Variants in EML1 observed in about 807,000 individuals in gnomAD.
EML1 encodes echinoderm microtubule-associated protein-like 1.
In EML1, 27 loss-of-function variants were observed where a neutral mutation model predicts 110.4. The observed-to-expected ratio is 0.24, with a 90% CI of 0.18 to 0.34. The LOEUF (loss-of-function observed/expected upper bound fraction) is 0.34, where lower values mean the gene tolerates loss of function less well. Ranked by LOEUF, EML1 falls within the 10% of genes least tolerant of loss-of-function variation. The probability of loss-of-function intolerance (pLI) is 1.00; values close to 1 mark genes in which losing one functional copy is unlikely to be tolerated. For synonymous variants in EML1, 344 were observed against 385.8 expected (o/e 0.89, Z 1.27); for missense variants, 741 against 1,030.9 (o/e 0.72, Z 3.85).
In EML1 at chr14:99,820,174, T is replaced by G. The variant is rs139031181; in HGVS notation, c.67+26631T>G. Among the ~76,000 whole-genome samples, 231 of 152,346 alleles carry G rather than the reference T, an allele frequency of 1.5e-3. 2 individuals carry two copies. The highest frequency in any genetic ancestry group is 0.014 in the Middle Eastern group (4 of 294). ...GTATGTGGTTGTGGAAGTTGATATA[T>G]CTTTACATATTTTTACTTAAAGCTT... On this transcript the variant is annotated intron_variant, in intron 1 of 21. Coordinates refer to ENST00000262233, the MANE Select transcript of EML1 (RefSeq NM_004434.3).
At chr14:99,739,068 G>GTGTGTGTGTGTGTA (rs2057005399) in intron 1 of EML1, among the ~76,000 whole-genome samples, 7 of 117,798 alleles carry the variant, frequency 5.9e-5, no homozygotes, top group African/African-American at 3.0e-4. Context: ...GTGTGAGAGT[G>GTGTGTGTGTGTGTA]TGTGTGTGTG....
Position 99,905,512 on chromosome 14 carries a change from A to G in EML1, c.1009-2126A>G, listed in dbSNP as rs898561350. Reference sequence around the variant, plus strand: ...GACCTGCCCACTGCAGTGACACTGAAAAGTTCAGGTGGCTGCCTGTTGATA... The same window carrying G: ...GACCTGCCCACTGCAGTGACACTGAGAAGTTCAGGTGGCTGCCTGTTGATA... On this transcript the variant is annotated intron_variant, in intron 9 of 21. Coordinates refer to ENST00000262233, the MANE Select transcript of EML1 (RefSeq NM_004434.3). The surrounding 1 kb of genome is among the most constrained non-coding windows in gnomAD (Gnocchi z 4.1). 1.2e-4 allele frequency among the ~76,000 whole-genome samples: 19 copies of G among 152,188 alleles called. No homozygotes were observed. Among genetic ancestry groups the G allele is most frequent in the Admixed American group, 2.0e-4 (3 of 15,286 alleles).
rs991279950 is a variant in EML1 at position 99,909,182 on chromosome 14, T to C, written c.1105-163T>C. The C allele has an allele frequency of 1.8e-5, 20 of 1,084,756 alleles. No homozygotes were observed. In the African/African-American group the frequency reaches 2.9e-4, roughly 16 times the overall value. 67.2% of individuals were successfully genotyped at this position (1,084,756 alleles called of 1,614,324 possible). On this transcript the variant is annotated intron_variant, in intron 10 of 21. Coordinates refer to ENST00000262233, the MANE Select transcript of EML1 (RefSeq NM_004434.3). Reference sequence around the variant, plus strand: ...AGGTATTAAGGCCCACACCAGCATATGCTTGATGTTTTTAGCAAGATGGAT... The same window carrying C: ...AGGTATTAAGGCCCACACCAGCATACGCTTGATGTTTTTAGCAAGATGGAT...
In EML1 at chr14:99,897,286, C is replaced by A. The variant is rs200809929; in HGVS notation, c.819C>A (p.Asp273Glu). The stretch of plus-strand genomic sequence containing the variant: ...GGCATTACGCTGGCCACAACGATGA[C>A]GTGAAGTGGTAAGTCCTGAAACAGG... ...LQRHYAGHNDDVKCLAVHPDR... is the reference protein window; with the variant it reads ...LQRHYAGHNDEVKCLAVHPDR... The change falls in exon 7 of 22, where the codon GAC becomes GAA. Residue 273 changes from aspartate to glutamate, a missense_variant. Around this residue, in one of 4 missense-constraint regions of EML1, gnomAD observed 388 missense variants for 605.6 expected, o/e 0.64. Transcript: ENST00000262233. 6.2e-7 allele frequency: 1 copy of A among 1,608,072 alleles called. No individual in the cohort carries two copies. The highest frequency in any genetic ancestry group is 2.2e-5 in the East Asian group (1 of 44,484).
intron 3 of EML1, among the ~76,000 whole-genome samples, chr14:99,871,806 G>A (rs1386323163): frequency 6.6e-6 from 1 of 152,214 alleles, no homozygotes; most frequent in Non-Finnish European, 1.5e-5. Context: ...TCCGAGAGAA[G>A]ATGCTGTGAA....
intron 1 of EML1, among the ~76,000 whole-genome samples, chr14:99,801,316 T>C (rs1477404986): frequency 1.3e-5 from 2 of 152,106 alleles, no homozygotes; most frequent in Non-Finnish European, 2.9e-5. Context: ...CTGTAAACAT[T>C]AGATTCTCCT....
chr14:99,821,386 G>T (rs2058259977), intron 1 of EML1, among the ~76,000 whole-genome samples: 1 of 152,154 alleles, frequency 6.6e-6, no homozygotes, highest in Non-Finnish European at 1.5e-5. Context: ...GGGCAAAGTG[G>T]CTCATGCCTA....
chr14:99,747,112 C>T (rs2057118661), intron 1 of EML1, among the ~76,000 whole-genome samples: 1 of 144,330 alleles, frequency 6.9e-6, no homozygotes, highest in Non-Finnish European at 1.5e-5. Context: ...GGCGTGAACC[C>T]AGGAGGTGGA....
chr14:99,864,946 C>G (rs557195863), intron 2 of EML1, among the ~76,000 whole-genome samples: 1 of 152,212 alleles, frequency 6.6e-6, no homozygotes, highest in South Asian at 2.1e-4. Flanking sequence ...TGGTCTCCAG[C>G]CTTTTTGGCA....
intron 9 of EML1, among the ~76,000 whole-genome samples, chr14:99,906,607 G>T (rs1031608536): frequency 7.2e-5 from 11 of 152,176 alleles, no homozygotes; most frequent in Admixed American, 6.5e-4. Flanking sequence ...TTTATAACCT[G>T]TGTCTTGTGC....
chr14:99,911,436 A>G lies in EML1; in HGVS notation c.1354A>G (p.Ser452Gly). Residue 452 changes from serine to glycine, a missense_variant, in exon 13 of 22, where the codon AGC (serine) becomes GGC (glycine). Coordinates refer to ENST00000262233, the MANE Select transcript of EML1 (RefSeq NM_004434.3). Reference sequence around the variant, plus strand: ...GGTGTGTTTAGGTACAAATCGAATAAGCTATGCAGTTCAGGGGGCCCATGA... The same window carrying G: ...GGTGTGTTTAGGTACAAATCGAATAGGCTATGCAGTTCAGGGGGCCCATGA... ...LVWGKGTNRI[S>G]YAVQGAHEGG... 1 of 1,600,814 alleles carries G rather than the reference A, an allele frequency of 6.2e-7. No individual in the cohort carries two copies. The highest frequency in any genetic ancestry group is 2.2e-5 in the East Asian group (1 of 44,518).
chr14:99,905,425 G>A lies in EML1; in HGVS notation c.1009-2213G>A, dbSNP rs2059828987. 1.3e-5 allele frequency among the ~76,000 whole-genome samples: 2 copies of A among 152,296 alleles called. No homozygotes were observed. The highest frequency in any genetic ancestry group is 1.3e-4 in the Admixed American group (2 of 15,296). On this transcript the variant is annotated intron_variant, in intron 9 of 21. Transcript: ENST00000262233. This position sits in a 1 kb window ranked among gnomAD's most constrained non-coding sequence, Gnocchi z 4.1. ...AAACATAAGAAAGGGAAAAAGGAGA[G>A]AGAGAAAAGCATTCCCTGTGGCAGG...
At chr14:99,747,439 G>A (rs2057124573) in intron 1 of EML1, among the ~76,000 whole-genome samples, 1 of 152,070 alleles carries the variant, frequency 6.6e-6, no homozygotes, top group African/African-American at 2.4e-5. Flanking sequence ...GCAGGGGTCT[G>A]AGGGGGAAGG....
chr14:99,744,244 T>G (rs935246467), intron 1 of EML1, among the ~76,000 whole-genome samples: 1 of 152,068 alleles, frequency 6.6e-6, no homozygotes, highest in Non-Finnish European at 1.5e-5. Context: ...AAAAGACCAC[T>G]GCAGGTCTGG....
At chr14:99,817,036 C>T (rs2058179533) in intron 1 of EML1, among the ~76,000 whole-genome samples, 1 of 152,150 alleles carries the variant, frequency 6.6e-6, no homozygotes. Context: ...ATCAAAACAG[C>T]ATGTAGGTGT....
At chr14:99,737,908 C>T (rs2056988254) in intron 1 of EML1, 1 of 1,284,024 alleles carries the variant, frequency 7.8e-7, no homozygotes, top group Non-Finnish European at 1.0e-6. Context: ...GTTGCAGAGC[C>T]AAGGCCGCCA....
chr14:99,780,398 C>T (rs983466900), intron 1 of EML1, among the ~76,000 whole-genome samples: 3 of 152,134 alleles, frequency 2.0e-5, no homozygotes, highest in Non-Finnish European at 2.9e-5. Context: ...TGGCTGCCCA[C>T]CCTTGCTAGC....
In EML1 at chr14:99,933,832, G is replaced by A. The variant is rs376478136; in HGVS notation, c.1910-2197G>A. Among the ~76,000 whole-genome samples, 341 of 152,320 alleles carry A rather than the reference G, an allele frequency of 2.2e-3. 1 individual carries two copies. The highest frequency in any genetic ancestry group is 0.013 in the East Asian group (69 of 5,178). On this transcript the variant is annotated intron_variant, in intron 17 of 21. Coordinates refer to ENST00000262233, the MANE Select transcript of EML1 (RefSeq NM_004434.3). ...GGCCAGGCCGGGCACGGTGGCTCAC[G>A]CCTGTAATCCCAGCACTTCGGGGAG...
chr14:99,937,033 C>T (rs1004464815), intron 19 of EML1, among the ~76,000 whole-genome samples: 3 of 152,250 alleles, frequency 2.0e-5, no homozygotes, highest in East Asian at 1.9e-4. Flanking sequence ...TGACCTACAG[C>T]ACTTTCTGGC....
Sources: allele counts gnomAD v4.1 joint callset (sites outside exome capture counted in the v4.1 genomes callset), GRCh38; gene constraint gnomAD v4.1.1; regional missense constraint gnomAD v4.1.1; non-coding constraint Gnocchi (gnomAD v3.1); transcripts MANE v1.5; gene names NCBI Gene and HGNC (gene_info 2026-07-23, HGNC 2026-07-21).